The following ALPK3 variants were observed in gnomAD, a reference collection of about 807,000 sequenced individuals.
ALPK3 encodes alpha-protein kinase 3.
Under a neutral mutation model 140.0 loss-of-function variants are expected in ALPK3, and 102 were observed. The ratio of observed to expected loss-of-function variants is 0.73; its 90% CI spans 0.62 to 0.86. The LOEUF is 0.86. Ranked by LOEUF, ALPK3 falls within the 40% of genes least tolerant of loss-of-function variation. ALPK3 has a pLI of 0.00. For missense variants in ALPK3, 2,254 were observed against 2,208.2 expected, an observed-to-expected ratio of 1.02 and a Z score of -0.42; for synonymous variants, 938 against 898.5, an observed-to-expected ratio of 1.04 and a Z score of -0.79.
rs1351980288 is a variant in ALPK3 at position 84,856,576 on chromosome 15, A to T, written c.1838A>T (p.Asp613Val). 1 of 1,614,072 alleles carries T rather than the reference A, an allele frequency of 6.2e-7. No individual in the cohort carries two copies. Among genetic ancestry groups the T allele is most frequent in the African/African-American group, 1.3e-5 (1 of 74,930 alleles). Reference sequence around the variant, plus strand: ...GGAAGCAAGAAGAATGTGCAGGCAGATGGGAAGATACAAGTGGATGGAAGG... The same window carrying T: ...GGAAGCAAGAAGAATGTGCAGGCAGTTGGGAAGATACAAGTGGATGGAAGG... ...RTGSKKNVQA[D>V]GKIQVDGRTR... The change falls in exon 6 of 14, where the codon GAT (aspartate) becomes GTT (valine). Residue 613 changes from aspartate (D) to valine (V), a missense_variant. By Grantham distance (152) the Asp-to-Val change is radical. Around this residue, in one of 3 missense-constraint regions of ALPK3, gnomAD observed 2,088 missense variants for 2,022.9 expected, o/e 1.03. Coordinates refer to ENST00000258888, the MANE Select transcript of ALPK3 (RefSeq NM_020778.5).
chr15:84,857,793 G>A lies in ALPK3; in HGVS notation c.3055G>A (p.Glu1019Lys), dbSNP rs746143390. The part of the protein sequence containing the change: ...RTSRRILERV[E>K]NNHLVQSAQT... ...ATCGAGGCGCATCCTGGAGCGTGTG[G>A]AGAACAACCACCTGGTGCAGAGTGC... Residue 1019 changes from glutamate to lysine, a missense_variant, in exon 6 of 14, where the codon GAG becomes AAG. Transcript: ENST00000258888. 4.3e-6 allele frequency: 7 copies of A among 1,611,974 alleles called. No individual in the cohort carries two copies. The South Asian group carries it at 7.7e-5, about 18-fold the overall frequency.
chr15:84,850,948 C>A (rs948687988), intron 5 of ALPK3, among the ~76,000 whole-genome samples: 3 of 151,192 alleles, frequency 2.0e-5, no homozygotes, highest in African/African-American at 7.3e-5. Context: ...GAGGGGTCAG[C>A]CCTTGTAGAA....
At chr15:84,817,968 A>T (rs903829962) in intron 1 of ALPK3, among the ~76,000 whole-genome samples, 1 of 152,122 alleles carries the variant, frequency 6.6e-6, no homozygotes, top group Non-Finnish European at 1.5e-5. Flanking sequence ...CCTCCCTGGC[A>T]GGAAGGGAGG....
rs1489002589 is a variant in ALPK3, at chr15:84,856,515, C to G, written c.1777C>G (p.Gln593Glu). The change falls in exon 6 of 14, where the codon CAG becomes GAG. Residue 593 changes from glutamine to glutamate, a missense_variant. Gln to Glu is a conservative substitution (Grantham distance 29). This residue lies in a region of ALPK3 where 2,088 missense variants were observed against 2,022.9 expected (regional missense o/e 1.03). Transcript: ENST00000258888. ...GIIEPMDMET[Q>E]EDGRTSANQR... The stretch of plus-strand genomic sequence containing the variant: ...CATTGAACCCATGGATATGGAAACC[C>G]AGGAGGATGGGAGAACATCTGCTAA... 5 of 1,614,038 alleles carry G rather than the reference C, an allele frequency of 3.1e-6. No homozygotes were observed. The Admixed American group carries it at 5.0e-5, about 16-fold the overall frequency.
intron 5 of ALPK3, among the ~76,000 whole-genome samples, chr15:84,848,301 A>G (rs966895565): frequency 2.0e-5 from 3 of 150,466 alleles, no homozygotes; most frequent in East Asian, 1.9e-4. Context: ...AATATAATAT[A>G]TAAGACAAAT....
chr15:84,849,226 G>A (rs987713675), intron 5 of ALPK3, among the ~76,000 whole-genome samples: 1 of 151,822 alleles, frequency 6.6e-6, no homozygotes, highest in Non-Finnish European at 1.5e-5. Context: ...AATAAAAAAT[G>A]TGTATGCACC....
intron 3 of ALPK3, among the ~76,000 whole-genome samples, chr15:84,837,761 ACT>A (rs1567088903): frequency 6.6e-6 from 1 of 151,972 alleles, no homozygotes; most frequent in Admixed American, 6.5e-5. Context: ...GCATCTTGCA[ACT>A]CTCTCTGTCT....
chr15:84,825,232 A>T, intron 2 of ALPK3, among the ~76,000 whole-genome samples: 1 of 151,588 alleles, frequency 6.6e-6, no homozygotes, highest in Non-Finnish European at 1.5e-5. Context: ...GCTGGAGTGC[A>T]GTGGCGTGAT....
At position 84,868,257 on chromosome 15, in the gene ALPK3, C is replaced by T; in HGVS notation, c.4919C>T (p.Ser1640Phe). 6.2e-7 allele frequency: 1 copy of T among 1,614,190 alleles called. No homozygotes were observed. Among genetic ancestry groups the T allele is most frequent in the Non-Finnish European group, 8.5e-7 (1 of 1,180,008 alleles). Residue 1640 changes from serine to phenylalanine, a missense_variant, in exon 14 of 14, where the codon TCT (serine) becomes TTT (phenylalanine). Ser to Phe is a radical substitution (Grantham distance 155). Around this residue, in one of 3 missense-constraint regions of ALPK3, gnomAD observed 158 missense variants for 159.8 expected, o/e 0.99. Coordinates refer to ENST00000258888, the MANE Select transcript of ALPK3 (RefSeq NM_020778.5). ...CACCCCCAAGCCAAAGCCAAAGGCT[C>T]TAAGAGTCCATCTGCTGGCAGGAAA... Reference protein sequence around the residue: ...AAHPQAKAKGSKSPSAGRKGS... With the variant: ...AAHPQAKAKGFKSPSAGRKGS...
intron 3 of ALPK3, among the ~76,000 whole-genome samples, chr15:84,833,419 AGG>A (rs1017649146): frequency 1.3e-5 from 2 of 152,136 alleles, no homozygotes; most frequent in African/African-American, 4.8e-5. Context: ...AAGGAAGGAG[AGG>A]AGGGGCAATG....
Position 84,873,085 on chromosome 15 carries a change from G to A in ALPK3, c.*4629G>A, listed in dbSNP as rs916341839. On this transcript the variant is annotated 3_prime_UTR_variant, in exon 14 of 14. Transcript: ENST00000258888. Reference sequence around the variant, plus strand: ...TATTTTGTTCCTTCTGTCTATCTCTGTTGCTGAGATCAGGGAGCCCACGTT... The same window carrying A: ...TATTTTGTTCCTTCTGTCTATCTCTATTGCTGAGATCAGGGAGCCCACGTT... The A allele has an allele frequency of 2.9e-4, 44 of 152,236 alleles. No homozygotes were observed. The highest frequency in any genetic ancestry group is 1.0e-3 in the African/African-American group (43 of 41,536). 9.4% of individuals were successfully genotyped at this position (152,236 alleles called of 1,614,324 possible).
chr15:84,857,583 C>A lies in ALPK3; in HGVS notation c.2845C>A (p.Pro949Thr), dbSNP rs1204323600. Residue 949 changes from proline to threonine, a missense_variant, in exon 6 of 14, where the codon CCC becomes ACC. Pro to Thr is a conservative substitution (Grantham distance 38). Transcript: ENST00000258888. ...VPDVEGRTPG[P>T]RSCDPGLIDS... ...AGATGTGGAGGGGCGGACCCCAGGT[C>A]CCCGGAGCTGTGACCCTGGCCTCAT... is the stretch of plus-strand genomic sequence containing the variant. 6.4e-7 allele frequency: 1 copy of A among 1,573,310 alleles called. No homozygotes were observed. Among genetic ancestry groups the A allele is most frequent in the Non-Finnish European group, 8.6e-7 (1 of 1,158,256 alleles).
chr15:84,859,841 A>G lies in ALPK3; in HGVS notation c.4031A>G (p.Tyr1344Cys), dbSNP rs779689802. 1.1e-5 allele frequency: 18 copies of G among 1,613,950 alleles called. No individual in the cohort carries two copies. Among genetic ancestry groups the G allele is most frequent in the Non-Finnish European group, 6.8e-6 (8 of 1,180,034 alleles). Residue 1344 changes from tyrosine to cysteine, a missense_variant, in exon 8 of 14, where the codon TAT becomes TGT. Coordinates refer to ENST00000258888, the MANE Select transcript of ALPK3 (RefSeq NM_020778.5). The stretch of plus-strand genomic sequence containing the variant: ...GCCTCCCCCGTAGACTGCGGTGTGT[A>G]TCGGTGCACCATCCACAATGAGCAC... ...VQASPVDCGV[Y>C]RCTIHNEHGS...
chr15:84,847,207 G>GA (rs1158774041), intron 5 of ALPK3, among the ~76,000 whole-genome samples: 6 of 93,610 alleles, frequency 6.4e-5, no homozygotes, highest in Non-Finnish European at 1.3e-4. Context: ...GGGAGAAACG[G>GA]GGAGAGAGAG....
chr15:84,835,354 C>T (rs1963588417), intron 3 of ALPK3, among the ~76,000 whole-genome samples: 1 of 152,178 alleles, frequency 6.6e-6, no homozygotes, highest in South Asian at 2.1e-4. Flanking sequence ...TCCCCTGCTC[C>T]CTGCTCCTGT....
At chr15:84,823,033 G>A (rs1963445214) in intron 1 of ALPK3, among the ~76,000 whole-genome samples, 2 of 152,390 alleles carry the variant, frequency 1.3e-5, no homozygotes, top group South Asian at 4.1e-4. Flanking sequence ...CTTGGGGGCA[G>A]TGACCCAAAT....
chr15:84,858,323 G>T lies in ALPK3; in HGVS notation c.3585G>T (p.Gly1195=), dbSNP rs779019960. The change falls in exon 6 of 14, where the codon GGG becomes GGT. Residue 1195 remains glycine (G), a synonymous_variant. Transcript: ENST00000258888. ...ERESPTVSPR[G]PRKSLVPGSP... is the part of the protein sequence containing the mutation. The stretch of plus-strand genomic sequence containing the variant: ...AGAGCCCCACGGTTTCCCCCCGGGG[G>T]CCCAGGAAAAGCCTGGTGCCTGGGT... 1 of 1,562,260 alleles carries T rather than the reference G, an allele frequency of 6.4e-7. No individual in the cohort carries two copies. The highest frequency in any genetic ancestry group is 1.9e-5 in the Admixed American group (1 of 52,200).
At chr15:84,819,502 G>C (rs1963399800) in intron 1 of ALPK3, among the ~76,000 whole-genome samples, 1 of 152,234 alleles carries the variant, frequency 6.6e-6, no homozygotes, top group African/African-American at 2.4e-5. Flanking sequence ...CTGCAGTGGG[G>C]AGTGGAGGAG....
chr15:84,847,752 C>G (rs1481925998), intron 5 of ALPK3, among the ~76,000 whole-genome samples: 1 of 152,150 alleles, frequency 6.6e-6, no homozygotes, highest in African/African-American at 2.4e-5. Flanking sequence ...ACATTGTCAG[C>G]AGACCTGTTC....
Sources: allele counts gnomAD v4.1 joint callset (sites outside exome capture counted in the v4.1 genomes callset), GRCh38; gene constraint gnomAD v4.1.1; regional missense constraint gnomAD v4.1.1; transcripts MANE v1.5; gene names NCBI Gene and HGNC (gene_info 2026-07-23, HGNC 2026-07-21).